Variants in SEMA6D observed in about 807,000 individuals in gnomAD.
SEMA6D encodes semaphorin 6D.
SEMA6D carries 35 observed loss-of-function variants against 106.6 expected under a neutral mutation model. The observed-to-expected ratio is 0.33, with a 90% confidence interval of 0.25 to 0.44. SEMA6D has a LOEUF of 0.44. SEMA6D is among the 20% of genes least tolerant of loss of function. The probability of loss-of-function intolerance (pLI) is 1.00; values close to 1 mark genes in which losing one functional copy is unlikely to be tolerated. For missense variants in SEMA6D, 1,185 were observed against 1,345.9 expected, an observed-to-expected ratio of 0.88 and a Z score of 1.87; for synonymous variants, 499 against 487.7, an observed-to-expected ratio of 1.02 and a Z score of -0.31.
At chr15:47,615,680 C>A (rs1334902510) in intron 4 of SEMA6D, among the ~76,000 whole-genome samples, 5 of 152,126 alleles carry the variant, frequency 3.3e-5, no homozygotes, top group African/African-American at 4.8e-5. Context: ...CCTTTTATTA[C>A]CACATCAGTC....
At chr15:47,424,167 C>T (rs1377885144) in intron 2 of SEMA6D, among the ~76,000 whole-genome samples, 1 of 151,972 alleles carries the variant, frequency 6.6e-6, no homozygotes, top group Admixed American at 6.6e-5. Flanking sequence ...TAGAGAGTAG[C>T]TATGCTAACT....
chr15:47,743,756 G>A (rs1350084785), intron 1 of SEMA6D, among the ~76,000 whole-genome samples: 2 of 152,168 alleles, frequency 1.3e-5, no homozygotes, highest in African/African-American at 4.8e-5. Flanking sequence ...AGTTTGCACT[G>A]GAATGAGGGG....
At chr15:47,650,503 C>T (rs2077666853) in intron 4 of SEMA6D, among the ~76,000 whole-genome samples, 1 of 152,200 alleles carries the variant, frequency 6.6e-6, no homozygotes. Context: ...CTAGGCATAG[C>T]TGACACCAAG....
chr15:47,663,487 A>G (rs2077967379), intron 4 of SEMA6D, among the ~76,000 whole-genome samples: 1 of 152,186 alleles, frequency 6.6e-6, no homozygotes, highest in Non-Finnish European at 1.5e-5. Context: ...TGCAATAGTA[A>G]TAGGGTTGGG....
chr15:47,736,799 C>G (rs1280853536), intron 1 of SEMA6D, among the ~76,000 whole-genome samples: 2 of 152,176 alleles, frequency 1.3e-5, no homozygotes, highest in African/African-American at 4.8e-5. Flanking sequence ...TTCAAGTACA[C>G]AATTGCAATC....
intron 1 of SEMA6D, among the ~76,000 whole-genome samples, chr15:47,275,640 G>A (rs2034770156): frequency 2.6e-5 from 4 of 152,082 alleles, no homozygotes; most frequent in African/African-American, 9.7e-5. Context: ...TGGTCTGACT[G>A]CTCCACCAAC....
chr15:47,593,938 G>A (rs1302905660), intron 3 of SEMA6D, among the ~76,000 whole-genome samples: 2 of 152,200 alleles, frequency 1.3e-5, no homozygotes, highest in African/African-American at 4.8e-5. Flanking sequence ...ACCCTCATGA[G>A]CTAGTCAGCT....
chr15:47,625,072 A>AT (rs1447640904), intron 4 of SEMA6D, among the ~76,000 whole-genome samples: 2 of 148,028 alleles, frequency 1.4e-5, no homozygotes, highest in African/African-American at 2.4e-5. Context: ...CATTTTAGAG[A>AT]TTTTTTAATA....
intron 4 of SEMA6D, among the ~76,000 whole-genome samples, chr15:47,669,384 G>A (rs1265293553): frequency 6.6e-6 from 1 of 151,988 alleles, no homozygotes; most frequent in African/African-American, 2.4e-5. Flanking sequence ...TTTTTCTCTG[G>A]ATCATTAGTG....
chr15:47,626,526 C>T (rs1483011857), intron 4 of SEMA6D, among the ~76,000 whole-genome samples: 12 of 152,112 alleles, frequency 7.9e-5, no homozygotes, highest in Admixed American at 5.9e-4. Context: ...TGAAGCCCTA[C>T]GTTTGTCATC....
chr15:47,394,309 AAAAAAGAAAAG>A (rs1260497890), intron 1 of SEMA6D, among the ~76,000 whole-genome samples: 1 of 152,196 alleles, frequency 6.6e-6, no homozygotes, highest in East Asian at 1.9e-4. Flanking sequence ...ATGGTTTACA[AAAAAAGAAAAG>A]AAAAAGAAAA....
At chr15:47,350,162 A>AGTTTCTAATAACTTCTAAGACAAATCAG in intron 1 of SEMA6D, among the ~76,000 whole-genome samples, 1 of 151,586 alleles carries the variant, frequency 6.6e-6, no homozygotes, top group East Asian at 1.9e-4. Context: ...TTTCAAATCA[A>AGTTTCTAATAACTTCTAAGACAAATCAG]GTTTCTAATA....
At chr15:47,625,976 G>A (rs1410425735) in intron 4 of SEMA6D, among the ~76,000 whole-genome samples, 1 of 152,140 alleles carries the variant, frequency 6.6e-6, no homozygotes, top group African/African-American at 2.4e-5. Flanking sequence ...AGATTTCTCA[G>A]GGCTTGAAGA....
chr15:47,379,335 A>G (rs1253071328), intron 1 of SEMA6D, among the ~76,000 whole-genome samples: 1 of 152,228 alleles, frequency 6.6e-6, no homozygotes, highest in African/African-American at 2.4e-5. Context: ...AATCTCTAAA[A>G]TAATAGGTCA....
intron 4 of SEMA6D, among the ~76,000 whole-genome samples, chr15:47,611,292 A>T (rs2076900237): frequency 6.6e-6 from 1 of 152,178 alleles, no homozygotes; most frequent in South Asian, 2.1e-4. Context: ...GCTGCAAGAT[A>T]CCTTGCCTTT....
chr15:47,641,984 T>C (rs1473081181), intron 4 of SEMA6D, among the ~76,000 whole-genome samples: 1 of 152,172 alleles, frequency 6.6e-6, no homozygotes, highest in African/African-American at 2.4e-5. Context: ...CTGCTAGCCT[T>C]GAGGGTTGTA....
At chr15:47,663,481 A>G (rs1470959901) in intron 4 of SEMA6D, among the ~76,000 whole-genome samples, 4 of 152,168 alleles carry the variant, frequency 2.6e-5, no homozygotes, top group African/African-American at 9.7e-5. Context: ...TGTTTCTGCA[A>G]TAGTAATAGG....
intron 3 of SEMA6D, among the ~76,000 whole-genome samples, chr15:47,487,102 C>G (rs553821372): frequency 1.3e-5 from 2 of 152,126 alleles, no homozygotes; most frequent in Non-Finnish European, 2.9e-5. Flanking sequence ...ACAAGGAACA[C>G]ATTAATACAT....
chr15:47,291,563 C>T (rs756428225), intron 1 of SEMA6D, among the ~76,000 whole-genome samples: 4 of 152,136 alleles, frequency 2.6e-5, no homozygotes, highest in South Asian at 4.1e-4. Context: ...GCATTTGTCT[C>T]AGTTTTCTAT....
Sources: allele counts gnomAD v4.1 joint callset (sites outside exome capture counted in the v4.1 genomes callset), GRCh38; gene constraint gnomAD v4.1.1; transcripts MANE v1.5; gene names NCBI Gene and HGNC (gene_info 2026-07-23, HGNC 2026-07-21).